The following TAFA4 variants were observed in gnomAD, a reference collection of about 807,000 sequenced individuals.
TAFA4 encodes chemokine-like protein TAFA-4.
TAFA4 carries 20 observed loss-of-function variants against 21.1 expected under a neutral mutation model. The ratio of observed to expected loss-of-function variants is 0.95; its 90% CI spans 0.67 to 1.38. TAFA4 has a LOEUF of 1.38. Among genes scored for constraint, TAFA4 ranks in the 40% most tolerant of loss-of-function variants. The pLI is 0.00. For missense variants in TAFA4, 211 were observed against 180.9 expected (o/e 1.17, Z -0.95); for synonymous variants, 71 against 67.4 (o/e 1.05, Z -0.26).
chr3:68,785,098 C>A (rs1473680342), intron 3 of TAFA4, among the ~76,000 whole-genome samples: 1 of 152,170 alleles, frequency 6.6e-6, no homozygotes, highest in African/African-American at 2.4e-5. Flanking sequence ...TCGATTGGTG[C>A]ATTCACAAAC....
intron 3 of TAFA4, among the ~76,000 whole-genome samples, chr3:68,855,853 G>A (rs565604178): frequency 4.6e-5 from 7 of 151,960 alleles, no homozygotes; most frequent in Admixed American, 1.3e-4. Flanking sequence ...TTCACTGGGC[G>A]TGACTTCCAC....
At chr3:68,803,243 A>C (rs150826213) in intron 3 of TAFA4, among the ~76,000 whole-genome samples, 24 of 152,350 alleles carry the variant, frequency 1.6e-4, no homozygotes, top group African/African-American at 5.5e-4. Context: ...ATGAGAAATA[A>C]ATAGATGAAT....
At chr3:68,875,688 A>G (rs549232510) in intron 3 of TAFA4, among the ~76,000 whole-genome samples, 3 of 152,136 alleles carry the variant, frequency 2.0e-5, no homozygotes, top group Non-Finnish European at 4.4e-5. Context: ...TGATCAAAAT[A>G]AGTTTGCTAG....
At chr3:68,929,885 A>G (rs1362913138) in intron 1 of TAFA4, among the ~76,000 whole-genome samples, 1 of 152,252 alleles carries the variant, frequency 6.6e-6, no homozygotes, top group Non-Finnish European at 1.5e-5. Flanking sequence ...TCACTTGCTC[A>G]ATATGATAAT....
intron 4 of TAFA4, among the ~76,000 whole-genome samples, chr3:68,747,728 C>CACATTTCT (rs1002721735): frequency 1.3e-5 from 2 of 152,170 alleles, no homozygotes; most frequent in African/African-American, 4.8e-5. Flanking sequence ...ATTTAGGCAT[C>CACATTTCT]ACATTTCTCC....
intron 3 of TAFA4, among the ~76,000 whole-genome samples, chr3:68,848,104 T>C (rs1704851539): frequency 6.6e-6 from 1 of 152,250 alleles, no homozygotes; most frequent in African/African-American, 2.4e-5. Context: ...ATCTTCATTT[T>C]ATAGTTGAGG....
chr3:68,846,218 C>CACTCTTTT (rs1704789667), intron 3 of TAFA4, among the ~76,000 whole-genome samples: 1 of 151,928 alleles, frequency 6.6e-6, no homozygotes, highest in Admixed American at 6.6e-5. Context: ...CGTTCCTTTT[C>CACTCTTTT]ACTCTTTTTC....
intron 3 of TAFA4, among the ~76,000 whole-genome samples, chr3:68,779,004 T>C (rs1023668444): frequency 2.0e-5 from 3 of 152,200 alleles, no homozygotes; most frequent in African/African-American, 2.4e-5. Context: ...AAAATGCTGA[T>C]AGCGATAAGG....
chr3:68,875,534 A>G (rs1199848142), intron 3 of TAFA4, among the ~76,000 whole-genome samples: 4 of 152,158 alleles, frequency 2.6e-5, no homozygotes, highest in Non-Finnish European at 4.4e-5. Context: ...AGTTGCCTGC[A>G]TAGCAATACA....
At chr3:68,857,891 T>C (rs1212488399) in intron 3 of TAFA4, among the ~76,000 whole-genome samples, 1 of 152,046 alleles carries the variant, frequency 6.6e-6, no homozygotes, top group African/African-American at 2.4e-5. Flanking sequence ...TACAACATAT[T>C]AAGCTCTGAT....
intron 4 of TAFA4, among the ~76,000 whole-genome samples, chr3:68,750,783 G>A (rs1433785657): frequency 6.6e-6 from 1 of 152,188 alleles, no homozygotes; most frequent in Non-Finnish European, 1.5e-5. Flanking sequence ...AAAAGAGTTT[G>A]TTAGAAGACA....
chr3:68,923,912 T>C (rs924776089), intron 1 of TAFA4, among the ~76,000 whole-genome samples: 6 of 152,196 alleles, frequency 3.9e-5, no homozygotes, highest in African/African-American at 1.2e-4. Flanking sequence ...AAACTACCAG[T>C]GTGGCTTCCA....
At chr3:68,741,658 G>C (rs1368236695) in intron 4 of TAFA4, among the ~76,000 whole-genome samples, 2 of 152,032 alleles carry the variant, frequency 1.3e-5, no homozygotes, top group Admixed American at 6.6e-5. Flanking sequence ...AGGCGTGGTG[G>C]CCGGTGCTTG....
chr3:68,787,910 G>A (rs1703290217), intron 3 of TAFA4, among the ~76,000 whole-genome samples: 1 of 152,176 alleles, frequency 6.6e-6, no homozygotes, highest in Admixed American at 6.5e-5. Flanking sequence ...TCAAGGCTCT[G>A]AAAATGTTTT....
In TAFA4 at chr3:68,739,073, G is replaced by C. The variant is rs1208331090; in HGVS notation, c.411+2C>G. 1.2e-6 allele frequency: 2 copies of C among 1,613,408 alleles called. No homozygotes were observed. Among genetic ancestry groups the C allele is most frequent in the Non-Finnish European group, 1.7e-6 (2 of 1,179,720 alleles). The stretch of plus-strand genomic sequence containing the variant: ...TTGTAGTTGCATTTTGTCTATACTT[G>C]CCTTCGTAGTTTTGACTTTATTGCC... On this transcript the variant is annotated splice_donor_variant, in intron 5 of 5. Transcript: ENST00000295569. LOFTEE classifies it high-confidence loss of function.
intron 3 of TAFA4, among the ~76,000 whole-genome samples, chr3:68,809,594 G>C (rs1037452600): frequency 1.0e-5 from 1 of 98,864 alleles, no homozygotes; most frequent in Middle Eastern, 5.4e-3. Flanking sequence ...TTTTTCTTTT[G>C]TTGCCAGTGC....
Position 68,829,611 on chromosome 3 carries a change from C to T in TAFA4, c.130+51119G>A, listed in dbSNP as rs1309822643. ...TTGCCAGTATTTTATGGCGGATTTT[C>T]GCATCGATGTTCATCAAGGATATTG... is the stretch of plus-strand genomic sequence containing the variant. On this transcript the variant is annotated intron_variant, in intron 3 of 5. Coordinates refer to ENST00000295569, the MANE Select transcript of TAFA4 (RefSeq NM_182522.5). 1.2e-4 allele frequency among the ~76,000 whole-genome samples: 18 copies of T among 152,184 alleles called. 1 individual carries two copies. The highest frequency in any genetic ancestry group is 9.7e-4 in the East Asian group (5 of 5,176).
intron 3 of TAFA4, among the ~76,000 whole-genome samples, chr3:68,793,428 A>G (rs1703399854): frequency 6.6e-6 from 1 of 152,230 alleles, no homozygotes; most frequent in Admixed American, 6.5e-5. Flanking sequence ...ACTGCTTCAG[A>G]TAAGCAATCC....
At chr3:68,920,823 A>G (rs771802702) in intron 1 of TAFA4, among the ~76,000 whole-genome samples, 5 of 152,048 alleles carry the variant, frequency 3.3e-5, no homozygotes, top group Non-Finnish European at 7.4e-5. Flanking sequence ...GCCATGTTCT[A>G]CAGTAAATCA....
Sources: allele counts gnomAD v4.1 joint callset (sites outside exome capture counted in the v4.1 genomes callset), GRCh38; gene constraint gnomAD v4.1.1; transcripts MANE v1.5; gene names NCBI Gene and HGNC (gene_info 2026-07-23, HGNC 2026-07-21).